Variants in UNC13C observed in about 807,000 individuals in gnomAD.
UNC13C encodes the protein unc-13 homolog C.
UNC13C carries 174 observed loss-of-function variants against 245.4 expected under a neutral mutation model. That is an observed-to-expected ratio of 0.71 (90% CI 0.63 to 0.80). The LOEUF is 0.80. Among genes scored for constraint, UNC13C ranks in the 30% least tolerant of loss-of-function variants. UNC13C has a pLI of 0.00. For missense variants in UNC13C, 2,829 were observed against 2,602.9 expected, an observed-to-expected ratio of 1.09 and a Z score of -1.89; for synonymous variants, 992 against 895.1, an observed-to-expected ratio of 1.11 and a Z score of -1.93.
chr15:54,366,414 C>A (rs2039366697), intron 17 of UNC13C, among the ~76,000 whole-genome samples: 1 of 151,870 alleles, frequency 6.6e-6, no homozygotes, highest in Non-Finnish European at 1.5e-5. Flanking sequence ...ATTTTAAATC[C>A]CCAGGAAAAA....
intron 19 of UNC13C, among the ~76,000 whole-genome samples, chr15:54,453,491 C>T (rs977534325): frequency 2.0e-5 from 3 of 152,192 alleles, no homozygotes; most frequent in African/African-American, 4.8e-5. Flanking sequence ...AATCCATAAC[C>T]TTCAGCTTTT....
Position 54,015,117 on chromosome 15 carries a change from T to C in UNC13C, c.2214T>C (p.Tyr738=), listed in dbSNP as rs543517760. Residue 738 remains tyrosine (Y), a synonymous_variant, in exon 2 of 33, where the codon TAT becomes TAC. Transcript: ENST00000260323. Reference sequence around the variant, plus strand: ...CACAAGGCCAGTGGGTTGGCCAATATGATTCTTATCAGGGAGCTAATTCTA... The same window carrying C: ...CACAAGGCCAGTGGGTTGGCCAATACGATTCTTATCAGGGAGCTAATTCTA... The part of the protein sequence containing the change: ...NEPQGQWVGQ[Y]DSYQGANSNE... The C allele has an allele frequency of 6.2e-7, 1 of 1,612,660 alleles. No homozygotes were observed. Among genetic ancestry groups the C allele is most frequent in the Non-Finnish European group, 8.5e-7 (1 of 1,179,350 alleles).
chr15:54,062,867 C>T (rs1161037363), intron 2 of UNC13C, among the ~76,000 whole-genome samples: 3 of 152,210 alleles, frequency 2.0e-5, no homozygotes, highest in Admixed American at 6.5e-5. Flanking sequence ...GAAAATCTCA[C>T]TGTAGCTTGG....
rs1567289189 is a variant in UNC13C, at chr15:54,455,231, AT to A, written c.4934-39376del. ...TATATATATATATATATATATATAT[AT>A]ATATATGTTTTTTAATCCACTCATT... On this transcript the variant is annotated intron_variant, in intron 19 of 32. Coordinates refer to ENST00000260323, the MANE Select transcript of UNC13C (RefSeq NM_001080534.3). Among the ~76,000 whole-genome samples, 569 of 95,206 alleles carry A rather than the reference AT, an allele frequency of 6.0e-3. 73 individuals are homozygous for A. The highest frequency in any genetic ancestry group is 9.7e-3 in the Non-Finnish European group (441 of 45,566). The allele number at this position is 95,206 out of a possible 152,430, so 62.5% of individuals were successfully genotyped here.
At chr15:54,019,587 T>C (rs1363660438) in intron 2 of UNC13C, among the ~76,000 whole-genome samples, 1 of 152,158 alleles carries the variant, frequency 6.6e-6, no homozygotes, top group African/African-American at 2.4e-5. Context: ...CAGTTTGAAG[T>C]ATTAATAGTT....
In UNC13C at chr15:54,597,864, C is replaced by T. The variant is rs534768914; in HGVS notation, c.6107-24463C>T. 2.7e-3 allele frequency among the ~76,000 whole-genome samples: 413 copies of T among 152,268 alleles called. 2 individuals carry two copies. The highest frequency in any genetic ancestry group is 9.6e-3 in the African/African-American group (401 of 41,560). On this transcript the variant is annotated intron_variant, in intron 30 of 32. Coordinates refer to ENST00000260323, the MANE Select transcript of UNC13C (RefSeq NM_001080534.3). ...AACAATTTTCCAGTTATACCTAATACTCATGGAGCACAGTAATGACTTTTT... is the reference window on the plus strand; with the variant it reads ...AACAATTTTCCAGTTATACCTAATATTCATGGAGCACAGTAATGACTTTTT...
chr15:54,355,572 G>A (rs1280349670), intron 17 of UNC13C, among the ~76,000 whole-genome samples: 3 of 151,952 alleles, frequency 2.0e-5, no homozygotes. Context: ...TGGCCAGGCT[G>A]GTCTCGAGCT....
At chr15:54,227,690 A>G (rs2035430900) in intron 4 of UNC13C, among the ~76,000 whole-genome samples, 1 of 152,168 alleles carries the variant, frequency 6.6e-6, no homozygotes, top group Non-Finnish European at 1.5e-5. Flanking sequence ...ACCTGTGGGG[A>G]CAAGGGGGCT....
chr15:54,290,869 C>A (rs1476304587), intron 10 of UNC13C, among the ~76,000 whole-genome samples: 1 of 151,934 alleles, frequency 6.6e-6, no homozygotes, highest in Admixed American at 6.6e-5. Flanking sequence ...GTAAAAAATG[C>A]ATTAGAACTC....
At chr15:54,231,126 A>G (rs1420373659) in intron 4 of UNC13C, among the ~76,000 whole-genome samples, 2 of 152,204 alleles carry the variant, frequency 1.3e-5, no homozygotes, top group Admixed American at 6.5e-5. Flanking sequence ...ATTTTGTACA[A>G]TGAAACAGGG....
chr15:54,354,440 C>A (rs899002352), intron 17 of UNC13C, among the ~76,000 whole-genome samples: 3 of 152,250 alleles, frequency 2.0e-5, no homozygotes, highest in Admixed American at 6.5e-5. Context: ...GAGATTATAA[C>A]ACACAAAATA....
At chr15:54,093,733 C>A (rs1567008428) in intron 2 of UNC13C, among the ~76,000 whole-genome samples, 1 of 152,124 alleles carries the variant, frequency 6.6e-6, no homozygotes, top group South Asian at 2.1e-4. Context: ...ATGTCTATAT[C>A]AATAACACCT....
At chr15:54,502,186 A>G (rs17818530) in intron 22 of UNC13C, among the ~76,000 whole-genome samples, 6,815 of 152,204 alleles carry the variant, frequency 0.045, 167 homozygotes, top group East Asian at 0.094. Flanking sequence ...CGCACACACT[A>G]TAAGCCACCT....
In UNC13C at chr15:54,626,848, G is replaced by T; in HGVS notation, c.6380G>T (p.Arg2127Leu). The T allele has an allele frequency of 6.2e-7, 1 of 1,612,114 alleles. No homozygotes were observed. The highest frequency in any genetic ancestry group is 1.1e-5 in the South Asian group (1 of 90,966). The part of the protein sequence containing the change: ...TFQFILGKEN[R>L]PGAYELHLSV... ...CACAGCATTCTCGGAAAGGAAAATC[G>T]ACCAGGGGCTTATGAACTTCATCTC... Residue 2127 changes from arginine (R) to leucine (L), a missense_variant, in exon 33 of 33, where the codon CGA becomes CTA. Coordinates refer to ENST00000260323, the MANE Select transcript of UNC13C (RefSeq NM_001080534.3).
chr15:54,017,207 A>C (rs2140997879), intron 2 of UNC13C, among the ~76,000 whole-genome samples: 1 of 152,062 alleles, frequency 6.6e-6, no homozygotes, highest in African/African-American at 2.4e-5. Flanking sequence ...GGCTGTTGCA[A>C]CATTTTGTGT....
At chr15:54,155,907 A>G (rs1290934251) in intron 4 of UNC13C, among the ~76,000 whole-genome samples, 2 of 152,236 alleles carry the variant, frequency 1.3e-5, no homozygotes, top group Non-Finnish European at 2.9e-5. Context: ...GAAAGTGGAC[A>G]GTAGTATGTC....
intron 2 of UNC13C, among the ~76,000 whole-genome samples, chr15:54,114,891 T>C (rs1273789103): frequency 6.6e-6 from 1 of 152,150 alleles, no homozygotes; most frequent in Non-Finnish European, 1.5e-5. Context: ...AAATAATATA[T>C]CACTACTATA....
chr15:54,408,304 C>G (rs2040349898), intron 18 of UNC13C, among the ~76,000 whole-genome samples: 1 of 145,066 alleles, frequency 6.9e-6, no homozygotes, highest in Admixed American at 6.9e-5. Context: ...CTTTCCTAAT[C>G]TCTAACGTTA....
chr15:54,221,406 A>G (rs981281175), intron 4 of UNC13C, among the ~76,000 whole-genome samples: 1 of 151,972 alleles, frequency 6.6e-6, no homozygotes, highest in African/African-American at 2.4e-5. Context: ...AAGGGAGGAT[A>G]ACACACTCTG....
Sources: gnomAD v4.1 joint callset for allele counts (sites outside exome capture counted in the v4.1 genomes callset) on GRCh38, gnomAD v4.1.1 for gene constraint, MANE v1.5 for transcripts, NCBI Gene and HGNC (gene_info 2026-07-23, HGNC 2026-07-21) for gene names.